The following ENTREP2 variants were observed in gnomAD, a reference collection of about 807,000 sequenced individuals.
The protein encoded by ENTREP2 is protein ENTREP2.
At chr15:29,514,937 AG>A in the ENTREP2 span, among the ~76,000 whole-genome samples, 100 of 152,314 alleles carry the variant, frequency 6.6e-4, no homozygotes, top group African/African-American at 2.3e-3. Context: ...CAGGATAGAC[AG>A]GACAATGTCA....
At chr15:29,279,659 G>A in the ENTREP2 span, among the ~76,000 whole-genome samples, 3 of 152,108 alleles carry the variant, frequency 2.0e-5, no homozygotes, top group African/African-American at 7.2e-5. Context: ...CACCGCGCCT[G>A]GCCTCAGTTG....
At chr15:29,166,578 CA>C in the ENTREP2 span, among the ~76,000 whole-genome samples, 1 of 151,888 alleles carries the variant, frequency 6.6e-6, no homozygotes, top group Middle Eastern at 3.4e-3. Context: ...ACAATAGCTG[CA>C]AAAAAATAAA....
chr15:29,668,891 C>T, the ENTREP2 span, among the ~76,000 whole-genome samples: 6 of 152,328 alleles, frequency 3.9e-5, no homozygotes, highest in Admixed American at 6.5e-5. Context: ...TGTCACAAAC[C>T]ATTGTCTGCT....
chr15:29,207,820 G>A, the ENTREP2 span, among the ~76,000 whole-genome samples: 1 of 152,054 alleles, frequency 6.6e-6, no homozygotes, highest in African/African-American at 2.4e-5. Flanking sequence ...TCCCTGCCAG[G>A]CCTGGGGACA....
chr15:29,234,472 T>G, the ENTREP2 span: 1 of 1,472,202 alleles, frequency 6.8e-7, no homozygotes, highest in South Asian at 1.1e-5. Context: ...TGCCCAGCAT[T>G]CGCCTATCAT....
the ENTREP2 span, among the ~76,000 whole-genome samples, chr15:29,482,667 T>C: frequency 6.6e-6 from 1 of 152,260 alleles, no homozygotes; most frequent in African/African-American, 2.4e-5. Context: ...CATAGCTTGA[T>C]AGCTCATTTC....
At chr15:29,506,252 A>T in the ENTREP2 span, among the ~76,000 whole-genome samples, 1 of 152,158 alleles carries the variant, frequency 6.6e-6, no homozygotes, top group Non-Finnish European at 1.5e-5. Flanking sequence ...GAAATATGGG[A>T]CTATGTGAAA....
the ENTREP2 span, among the ~76,000 whole-genome samples, chr15:29,458,989 G>A: frequency 4.6e-5 from 7 of 152,138 alleles, no homozygotes; most frequent in African/African-American, 1.7e-4. Context: ...GTTCCCAGGC[G>A]CAGAGCAAGA....
chr15:29,543,610 C>G, the ENTREP2 span, among the ~76,000 whole-genome samples: 4 of 152,228 alleles, frequency 2.6e-5, no homozygotes, highest in African/African-American at 9.6e-5. Context: ...AAAACCCTGT[C>G]TTTACTAAAA....
At chr15:29,328,538 TTAA>T in the ENTREP2 span, among the ~76,000 whole-genome samples, 1 of 152,206 alleles carries the variant, frequency 6.6e-6, no homozygotes, top group Non-Finnish European at 1.5e-5. Context: ...AGGTGCTGAC[TTAA>T]GTAACTCTGA....
At chr15:29,206,774 A>C in the ENTREP2 span, among the ~76,000 whole-genome samples, 1 of 152,178 alleles carries the variant, frequency 6.6e-6, no homozygotes, top group East Asian at 1.9e-4. Flanking sequence ...TTTACACTTT[A>C]AGTGGGTGAA....
chr15:29,135,295 G>A, the ENTREP2 span, among the ~76,000 whole-genome samples: 3 of 152,098 alleles, frequency 2.0e-5, no homozygotes, highest in Non-Finnish European at 2.9e-5. This position sits in a 1 kb window ranked among gnomAD's most constrained non-coding sequence, Gnocchi z 7.4. Flanking sequence ...AGCAGGATTG[G>A]GGCAATGTTC....
the ENTREP2 span, among the ~76,000 whole-genome samples, chr15:29,385,080 A>G: frequency 6.6e-6 from 1 of 151,914 alleles, no homozygotes; most frequent in Non-Finnish European, 1.5e-5. Context: ...CAGATCCCCA[A>G]ACTACCACCA....
At chr15:29,481,483 A>G in the ENTREP2 span, among the ~76,000 whole-genome samples, 1 of 152,148 alleles carries the variant, frequency 6.6e-6, no homozygotes, top group Admixed American at 6.5e-5. Context: ...TGATTATACA[A>G]AAAAATAGTA....
At chr15:29,240,355 TC>T in the ENTREP2 span, among the ~76,000 whole-genome samples, 3 of 144,554 alleles carry the variant, frequency 2.1e-5, no homozygotes, top group Admixed American at 2.1e-4. Flanking sequence ...AGAGCGAGAC[TC>T]CGTCTCAGAA....
chr15:29,472,329 A>G, the ENTREP2 span, among the ~76,000 whole-genome samples: 1 of 151,944 alleles, frequency 6.6e-6, no homozygotes, highest in Non-Finnish European at 1.5e-5. Context: ...CGATAATCAA[A>G]ACCCACCTTA....
At chr15:29,559,173 AAAGT>A in the ENTREP2 span, among the ~76,000 whole-genome samples, 1 of 152,142 alleles carries the variant, frequency 6.6e-6, no homozygotes, top group Admixed American at 6.5e-5. Flanking sequence ...TCTGGCAAAA[AAAGT>A]AAGCACTCAT....
chr15:29,359,947 G>A, the ENTREP2 span, among the ~76,000 whole-genome samples: 1 of 152,204 alleles, frequency 6.6e-6, no homozygotes, highest in Admixed American at 6.5e-5. Context: ...CAAAGATAAG[G>A]TTCATGAATA....
the ENTREP2 span, among the ~76,000 whole-genome samples, chr15:29,617,890 G>C: frequency 3.3e-5 from 5 of 152,292 alleles, no homozygotes; most frequent in East Asian, 9.7e-4. Context: ...AGAAGGTTAG[G>C]ACCAGGCAGC....
Sources: allele counts gnomAD v4.1 joint callset (sites outside exome capture counted in the v4.1 genomes callset), GRCh38; gene constraint gnomAD v4.1.1; non-coding constraint Gnocchi (gnomAD v3.1); transcripts MANE v1.5; gene names NCBI Gene and HGNC (gene_info 2026-07-23, HGNC 2026-07-21).